KCNMB2: variants seen among roughly 807,000 people sequenced by gnomAD.
KCNMB2 encodes potassium calcium-activated channel subfamily M regulatory beta subunit 2.
A neutral mutation model predicts 24.5 loss-of-function variants in KCNMB2; 9 were observed. The observed-to-expected ratio is 0.37, with a 90% CI of 0.22 to 0.64. The LOEUF is 0.64. Among genes scored for constraint, KCNMB2 ranks in the 30% least tolerant of loss-of-function variants. KCNMB2 has a pLI of 0.63. For synonymous variants in KCNMB2, 109 were observed against 104.4 expected, an observed-to-expected ratio of 1.04 and a Z score of -0.27; for missense variants, 226 against 284.3, an observed-to-expected ratio of 0.79 and a Z score of 1.47.
chr3:178,826,364 T>C (rs780123397), intron 3 of KCNMB2, among the ~76,000 whole-genome samples: 5 of 152,232 alleles, frequency 3.3e-5, no homozygotes, highest in Non-Finnish European at 7.3e-5. Flanking sequence ...GCTCCCCAGG[T>C]TGTTCTAATG....
chr3:178,609,846 C>T (rs1718418079), intron 1 of KCNMB2, among the ~76,000 whole-genome samples: 1 of 152,066 alleles, frequency 6.6e-6, no homozygotes, highest in Non-Finnish European at 1.5e-5. Context: ...CCACGTTGCT[C>T]AGGCTGGTTT....
In KCNMB2 at chr3:178,619,586, C is replaced by A. The variant is rs113882236; in HGVS notation, c.-68+82875C>A. Among the ~76,000 whole-genome samples, 562 of 151,972 alleles carry A rather than the reference C, an allele frequency of 3.7e-3. 3 individuals carry two copies. Among genetic ancestry groups the A allele is most frequent in the Middle Eastern group, 6.8e-3 (2 of 294 alleles). On this transcript the variant is annotated intron_variant, in intron 1 of 4. Coordinates refer to ENST00000452583, the MANE Select transcript of KCNMB2 (RefSeq NM_181361.3). ...TATTAGAGTATAAAAAACCGAGGCC[C>A]AAAGATATTTCTGCTTGCGACAATT... is the stretch of plus-strand genomic sequence containing the variant.
chr3:178,663,758 C>G (rs1383214532), intron 1 of KCNMB2, among the ~76,000 whole-genome samples: 1 of 152,106 alleles, frequency 6.6e-6, no homozygotes, highest in African/African-American at 2.4e-5. Flanking sequence ...ACAGAACTTT[C>G]AAAATGAATA....
chr3:178,628,605 G>A (rs1474599724), intron 1 of KCNMB2, among the ~76,000 whole-genome samples: 1 of 152,146 alleles, frequency 6.6e-6, no homozygotes, highest in African/African-American at 2.4e-5. Context: ...CCGGGTGTGA[G>A]TTAAATGAAC....
At chr3:178,821,484 G>T (rs6783516) in intron 2 of KCNMB2, among the ~76,000 whole-genome samples, 100,475 of 151,888 alleles carry the variant, frequency 0.66, 35,547 homozygotes, top group African/African-American at 0.92. Flanking sequence ...GATAATTTTT[G>T]TTTTACAAAA....
rs558765165 is a variant in KCNMB2 at position 178,831,687 on chromosome 3, T to C, written c.423+3314T>C. Among the ~76,000 whole-genome samples, 3 of 152,152 alleles carry C rather than the reference T, an allele frequency of 2.0e-5. No homozygotes were observed. The South Asian group carries it at 6.2e-4, about 32-fold the overall frequency. On this transcript the variant is annotated intron_variant, in intron 4 of 4. Coordinates refer to ENST00000452583, the MANE Select transcript of KCNMB2 (RefSeq NM_181361.3). ...ACCACATATTCTCACTTAAAAGTGG[T>C]AGCTAAACATTGAGTACACATGGAC...
At chr3:178,720,769 T>C (rs1322229121) in intron 1 of KCNMB2, among the ~76,000 whole-genome samples, 2 of 144,426 alleles carry the variant, frequency 1.4e-5, no homozygotes, top group African/African-American at 5.2e-5. Context: ...TTTGGCTGCA[T>C]AAATGTCTTC....
At chr3:178,756,713 G>A (rs1055893515) in intron 1 of KCNMB2, among the ~76,000 whole-genome samples, 15 of 151,972 alleles carry the variant, frequency 9.9e-5, no homozygotes, top group Admixed American at 5.9e-4. Context: ...TGCTACTTTA[G>A]CACTTTCCAG....
At chr3:178,594,640 C>A (rs1407665809) in intron 1 of KCNMB2, among the ~76,000 whole-genome samples, 2 of 152,046 alleles carry the variant, frequency 1.3e-5, no homozygotes, top group East Asian at 3.9e-4. Flanking sequence ...ACACTCAAGT[C>A]AGGATGCCTT....
intron 1 of KCNMB2, among the ~76,000 whole-genome samples, chr3:178,721,391 T>C (rs1256597990): frequency 6.6e-6 from 1 of 152,208 alleles, no homozygotes; most frequent in Non-Finnish European, 1.5e-5. Flanking sequence ...TTTGCTCTTG[T>C]TGTTGTTTGT....
At chr3:178,634,537 G>C (rs1449887196) in intron 1 of KCNMB2, among the ~76,000 whole-genome samples, 1 of 152,080 alleles carries the variant, frequency 6.6e-6, no homozygotes, top group African/African-American at 2.4e-5. Context: ...ACTATCATGA[G>C]AACAGCATGG....
intron 1 of KCNMB2, among the ~76,000 whole-genome samples, chr3:178,610,436 G>A (rs1043684128): frequency 1.1e-4 from 17 of 152,018 alleles, no homozygotes; most frequent in Admixed American, 2.6e-4. Flanking sequence ...CTTAATCAGC[G>A]TTTTACAGTT....
At chr3:178,820,595 A>G (rs1295318376) in intron 2 of KCNMB2, 1 of 152,816 alleles carries the variant, frequency 6.5e-6, no homozygotes, top group East Asian at 1.9e-4. Flanking sequence ...CTTTATATCC[A>G]TATTTGTATG....
At chr3:178,744,715 C>CG (rs977067501) in intron 1 of KCNMB2, among the ~76,000 whole-genome samples, 3 of 126,130 alleles carry the variant, frequency 2.4e-5, no homozygotes, top group African/African-American at 6.6e-5. Context: ...TTGTGGGATC[C>CG]GAAAAAAAAA....
chr3:178,609,641 CG>C, intron 1 of KCNMB2, among the ~76,000 whole-genome samples: 2 of 150,994 alleles, frequency 1.3e-5, no homozygotes, highest in East Asian at 2.0e-4. Context: ...TAGTCTATTT[CG>C]ATTTTTTTTT....
intron 1 of KCNMB2, among the ~76,000 whole-genome samples, chr3:178,664,572 T>C (rs1319289748): frequency 6.6e-6 from 1 of 152,156 alleles, no homozygotes; most frequent in Non-Finnish European, 1.5e-5. Flanking sequence ...GTAAAATCTA[T>C]AATTATCAGT....
At chr3:178,823,229 G>A (rs934651327) in intron 2 of KCNMB2, among the ~76,000 whole-genome samples, 5 of 152,184 alleles carry the variant, frequency 3.3e-5, no homozygotes, top group African/African-American at 1.2e-4. Context: ...ACAGAGGGTG[G>A]GTGGTTGCCA....
intron 3 of KCNMB2, among the ~76,000 whole-genome samples, chr3:178,827,099 A>G (rs1714865897): frequency 6.6e-6 from 1 of 152,214 alleles, no homozygotes; most frequent in Admixed American, 6.5e-5. Flanking sequence ...CCTGTCCAAC[A>G]AAAGGAAAGC....
intron 1 of KCNMB2, among the ~76,000 whole-genome samples, chr3:178,629,862 A>C (rs1013169463): frequency 6.6e-6 from 1 of 152,230 alleles, no homozygotes; most frequent in South Asian, 2.1e-4. Flanking sequence ...AATGCCCTAC[A>C]TACCTCCATA....
Sources: allele counts gnomAD v4.1 joint callset (sites outside exome capture counted in the v4.1 genomes callset), GRCh38; gene constraint gnomAD v4.1.1; transcripts MANE v1.5; gene names NCBI Gene and HGNC (gene_info 2026-07-23, HGNC 2026-07-21).